The following DEPDC5 variants were observed in gnomAD, a reference collection of about 807,000 sequenced individuals.
DEPDC5 encodes the protein GATOR1 complex protein DEPDC5.
A neutral mutation model predicts 217.3 loss-of-function variants in DEPDC5; 73 were observed. That is an observed-to-expected ratio of 0.34 (90% confidence interval 0.28 to 0.41). DEPDC5 has a LOEUF of 0.41. DEPDC5 is among the 10% of genes least tolerant of loss of function. DEPDC5 has a pLI of 1.00. For synonymous variants in DEPDC5, 733 were observed against 756.7 expected, an observed-to-expected ratio of 0.97 and a Z score of 0.51; for missense variants, 1,675 against 2,070.1, an observed-to-expected ratio of 0.81 and a Z score of 3.70.
intron 33 of DEPDC5, among the ~76,000 whole-genome samples, chr22:31,863,906 G>A (rs2092598244): frequency 6.6e-6 from 1 of 150,538 alleles, no homozygotes; most frequent in South Asian, 2.1e-4. Flanking sequence ...CTGGGCAACA[G>A]AGTGAGACTC....
intron 24 of DEPDC5, among the ~76,000 whole-genome samples, chr22:31,833,669 G>A (rs763990322): frequency 5.3e-5 from 8 of 152,170 alleles, no homozygotes; most frequent in Non-Finnish European, 1.2e-4. Flanking sequence ...GCTCGTGTTT[G>A]TGTGATCTCT....
intron 39 of DEPDC5, among the ~76,000 whole-genome samples, chr22:31,895,869 G>C (rs2093542225): frequency 6.6e-6 from 1 of 151,902 alleles, no homozygotes. Flanking sequence ...AATAAAAAAA[G>C]ACAGCCTGCT....
chr22:31,866,786 G>T (rs1022630425), intron 33 of DEPDC5, among the ~76,000 whole-genome samples: 9 of 152,082 alleles, frequency 5.9e-5, no homozygotes, highest in African/African-American at 2.2e-4. Flanking sequence ...TTTTTTTCAT[G>T]GTTAGACTGG....
intron 4 of DEPDC5, among the ~76,000 whole-genome samples, chr22:31,764,422 T>A (rs1601629335): frequency 6.6e-6 from 1 of 152,214 alleles, no homozygotes. Flanking sequence ...TTATTTAATT[T>A]ATTTATTTAT....
At chr22:31,816,387 A>G (rs2089127924) in intron 21 of DEPDC5, 1 of 150,402 alleles carries the variant, frequency 6.6e-6, no homozygotes, top group Non-Finnish European at 1.5e-5. Context: ...ATTTATTCCC[A>G]TACTATCAGT....
chr22:31,817,876 A>AGCATCAAT (rs1352553721), intron 21 of DEPDC5, among the ~76,000 whole-genome samples: 1 of 152,100 alleles, frequency 6.6e-6, no homozygotes, highest in Non-Finnish European at 1.5e-5. Context: ...TGTAAGTTAG[A>AGCATCAAT]GCATCAATTC....
chr22:31,830,216 A>G (rs2090480771), intron 24 of DEPDC5, among the ~76,000 whole-genome samples: 1 of 152,242 alleles, frequency 6.6e-6, no homozygotes, highest in Non-Finnish European at 1.5e-5. Flanking sequence ...CACACTGAGT[A>G]ACCTTTTTGA....
At chr22:31,895,994 C>T (rs1266477220) in intron 39 of DEPDC5, among the ~76,000 whole-genome samples, 1 of 151,476 alleles carries the variant, frequency 6.6e-6, no homozygotes, top group Non-Finnish European at 1.5e-5. Context: ...TAAGCACTCT[C>T]CTTGCTGGCC....
intron 31 of DEPDC5, among the ~76,000 whole-genome samples, chr22:31,850,085 C>T (rs1327866949): frequency 6.6e-6 from 1 of 152,174 alleles, no homozygotes; most frequent in Non-Finnish European, 1.5e-5. Context: ...TGCCACTAAA[C>T]TCCAGCCTGG....
At chr22:31,904,742 G>C (rs1250183566) in intron 41 of DEPDC5, among the ~76,000 whole-genome samples, 1 of 152,160 alleles carries the variant, frequency 6.6e-6, no homozygotes, top group East Asian at 1.9e-4. Context: ...AGAGTAGAGA[G>C]GATTTTGCAA....
chr22:31,876,577 C>G (rs951474255), intron 37 of DEPDC5, among the ~76,000 whole-genome samples: 2 of 152,080 alleles, frequency 1.3e-5, no homozygotes, highest in Admixed American at 6.5e-5. Flanking sequence ...GTGCCCCACC[C>G]CCTTGCCCAC....
At chr22:31,789,348 C>T (rs1000432064) in intron 10 of DEPDC5, among the ~76,000 whole-genome samples, 1 of 152,188 alleles carries the variant, frequency 6.6e-6, no homozygotes, top group Admixed American at 6.5e-5. Flanking sequence ...ATAGATGAAT[C>T]TTGAACACAT....
intron 2 of DEPDC5, among the ~76,000 whole-genome samples, chr22:31,756,234 G>T (rs927194949): frequency 7.9e-5 from 12 of 152,124 alleles, no homozygotes; most frequent in Admixed American, 5.2e-4. Flanking sequence ...CATTATGTAG[G>T]TATAAGCCTC....
chr22:31,819,120 G>A lies in DEPDC5; in HGVS notation c.1765G>A (p.Gly589Ser). 6.2e-7 allele frequency: 1 copy of A among 1,614,156 alleles called. No homozygotes were observed. The highest frequency in any genetic ancestry group is 8.5e-7 in the Non-Finnish European group (1 of 1,180,022). The change falls in exon 22 of 43, where the codon GGT (glycine) becomes AGT (serine). Residue 589 changes from glycine to serine, a missense_variant. Physicochemically the swap from Gly to Ser is moderately conservative, Grantham distance 56 (BLOSUM62 0). Transcript: ENST00000651528. The stretch of plus-strand genomic sequence containing the variant: ...AGAATCCATGCTGCATGTTCGACCT[G>A]GTGGATACACGCCCCAGAGAGCACT... The part of the protein sequence containing the change: ...SAESMLHVRP[G>S]GYTPQRALIN...
intron 38 of DEPDC5, among the ~76,000 whole-genome samples, chr22:31,889,565 T>TC (rs2093394475): frequency 6.9e-6 from 1 of 144,808 alleles, no homozygotes; most frequent in East Asian, 2.0e-4. Context: ...TTTTTTTTTT[T>TC]TCCAGACAGA....
intron 3 of DEPDC5, among the ~76,000 whole-genome samples, chr22:31,758,907 G>GTT (rs543401141): frequency 2.8e-5 from 4 of 143,414 alleles, no homozygotes; most frequent in Admixed American, 7.1e-5. Flanking sequence ...CCATTCCTTC[G>GTT]TTTTTTTTTT....
intron 20 of DEPDC5, among the ~76,000 whole-genome samples, chr22:31,811,639 T>A (rs1467371158): frequency 6.6e-6 from 1 of 150,834 alleles, no homozygotes; most frequent in East Asian, 2.0e-4. Context: ...AACCTCTGCC[T>A]CCTGGGCTCA....
chr22:31,902,585 T>C (rs1351124366), intron 41 of DEPDC5, among the ~76,000 whole-genome samples: 1 of 151,978 alleles, frequency 6.6e-6, no homozygotes, highest in Non-Finnish European at 1.5e-5. Context: ...CAAGGGTGGC[T>C]GATTTCCTCC....
At chr22:31,905,194 TC>T (rs1406125700) in intron 41 of DEPDC5, among the ~76,000 whole-genome samples, 1 of 151,960 alleles carries the variant, frequency 6.6e-6, no homozygotes, top group African/African-American at 2.4e-5. Context: ...TCTTTTTTTT[TC>T]TTTTTGAGAT....
Sources: gnomAD v4.1 joint callset for allele counts (sites outside exome capture counted in the v4.1 genomes callset) on GRCh38, gnomAD v4.1.1 for gene constraint, MANE v1.5 for transcripts, NCBI Gene and HGNC (gene_info 2026-07-23, HGNC 2026-07-21) for gene names.